The following NTRK2 variants were observed in gnomAD, a reference collection of about 807,000 sequenced individuals.
The protein encoded by NTRK2 is neurotrophic receptor tyrosine kinase 2, also known as BDNF/NT-3 growth factors receptor.
A neutral mutation model predicts 94.5 loss-of-function variants in NTRK2; 13 were observed. That is an observed-to-expected ratio of 0.14 (90% CI 0.09 to 0.22). NTRK2 has a LOEUF of 0.22. Ranked by LOEUF, NTRK2 falls within the 10% of genes least tolerant of loss-of-function variation. The probability of loss-of-function intolerance (pLI) is 1.00; values close to 1 mark genes in which losing one functional copy is unlikely to be tolerated. For missense variants in NTRK2, 639 were observed against 1,071.2 expected (o/e 0.60, Z 5.63); for synonymous variants, 372 against 407.4 (o/e 0.91, Z 1.05).
chr9:84,769,238 C>T (rs2132789550), intron 12 of NTRK2, among the ~76,000 whole-genome samples: 1 of 152,262 alleles, frequency 6.6e-6, no homozygotes, highest in East Asian at 1.9e-4. Context: ...GAACTACTTA[C>T]TACCCTAACA....
At chr9:84,765,077 GA>G (rs1317576556) in intron 12 of NTRK2, among the ~76,000 whole-genome samples, 2 of 152,210 alleles carry the variant, frequency 1.3e-5, no homozygotes, top group Non-Finnish European at 2.9e-5. Flanking sequence ...GAGGGATGCG[GA>G]GGTTGTGAGG....
intron 12 of NTRK2, among the ~76,000 whole-genome samples, chr9:84,755,806 T>C (rs374259988): frequency 1.1e-4 from 16 of 152,300 alleles, no homozygotes; most frequent in African/African-American, 3.8e-4. Context: ...TTTTATCTTG[T>C]GGTAAACCTA....
chr9:84,860,170 C>T (rs2075264885), intron 12 of NTRK2, among the ~76,000 whole-genome samples: 1 of 152,166 alleles, frequency 6.6e-6, no homozygotes, highest in Admixed American at 6.5e-5. Flanking sequence ...AACACAGTTA[C>T]TGATTTGGGG....
Position 85,021,498 on chromosome 9 carries a change from C to A in NTRK2, c.*61C>A. The A allele has an allele frequency of 6.5e-7, 1 of 1,543,984 alleles. No homozygotes were observed. Among genetic ancestry groups the A allele is most frequent in the Non-Finnish European group, 9.0e-7 (1 of 1,117,008 alleles). On this transcript the variant is annotated 3_prime_UTR_variant, in exon 19 of 19. Transcript: ENST00000277120. ...TCCTCAGACGGGCTGAGAGGATGAA[C>A]ATCTTTTAACTGCCGCTGGAGGCCA...
At chr9:85,021,184 T>C in intron 18 of NTRK2, 68 bp from the exon 19 acceptor site, 1 of 1,417,524 alleles carries the variant, frequency 7.1e-7, no homozygotes, top group Non-Finnish European at 9.9e-7. Context: ...GCTGTTTTTT[T>C]GCACTGACAT....
chr9:84,871,237 G>A (rs201390493), intron 14 of NTRK2, among the ~76,000 whole-genome samples: 1 of 152,170 alleles, frequency 6.6e-6, no homozygotes, highest in East Asian at 1.9e-4. Flanking sequence ...GCAAGAAACA[G>A]GCTGAAGGAA....
chr9:84,953,636 G>C lies in NTRK2; in HGVS notation c.1938-1647G>C, dbSNP rs571276055. Among the ~76,000 whole-genome samples, 4 of 152,316 alleles carry C rather than the reference G, an allele frequency of 2.6e-5. No individual in the cohort carries two copies. In the South Asian group the frequency reaches 8.3e-4, roughly 32 times the overall value. On this transcript the variant is annotated intron_variant, in intron 16 of 18. Coordinates refer to ENST00000277120, the MANE Select transcript of NTRK2 (RefSeq NM_006180.6). ...GAGGCAGCTGGGGGTTGTGGTTTGA[G>C]TAGAGGTGAAATATGTTAGGACTGG...
At chr9:85,019,380 G>T (rs1323893330) in intron 17 of NTRK2, among the ~76,000 whole-genome samples, 1 of 152,138 alleles carries the variant, frequency 6.6e-6, no homozygotes, top group Non-Finnish European at 1.5e-5. Flanking sequence ...CTGTTCATGG[G>T]TTTGAAATCG....
intron 15 of NTRK2, among the ~76,000 whole-genome samples, chr9:84,937,021 C>T (rs988016390): frequency 6.6e-6 from 1 of 152,162 alleles, no homozygotes; most frequent in South Asian, 2.1e-4. Flanking sequence ...TCAGAATAAC[C>T]CATGGACCTT....
intron 17 of NTRK2, among the ~76,000 whole-genome samples, chr9:84,969,203 C>T (rs1334756122): frequency 6.6e-6 from 1 of 151,882 alleles, no homozygotes; most frequent in Non-Finnish European, 1.5e-5. Context: ...GCAACTGTAG[C>T]CACCACCACT....
rs927100860 is a variant in NTRK2 at position 84,813,932 on chromosome 9, G to C, written c.1397-47108G>C. 4 of 1,065,380 alleles carry C rather than the reference G, an allele frequency of 3.8e-6. No homozygotes were observed. In the Admixed American group the frequency reaches 1.6e-4, roughly 43 times the overall value. The allele number at this position is 1,065,380 out of a possible 1,614,324, so 66.0% of individuals were successfully genotyped here. A position where few individuals can be genotyped will look rare whatever the true frequency, so the allele number is the denominator to read the frequency against. On this transcript the variant is annotated intron_variant, in intron 12 of 18. Transcript: ENST00000277120. ...GAGACCCTCTCAGGCTGCTGAGCTA[G>C]ACTAAGGAATGCATCCACCGTCATC...
At position 85,021,588 on chromosome 9, in the gene NTRK2, G is replaced by C; in HGVS notation, c.*151G>C. On this transcript the variant is annotated 3_prime_UTR_variant, in exon 19 of 19. Coordinates refer to ENST00000277120, the MANE Select transcript of NTRK2 (RefSeq NM_006180.6). The stretch of plus-strand genomic sequence containing the variant: ...AGACTCCGAGAAGCTCTCGAGGGAA[G>C]CAGTGTGTACTTCTTCATCCATAGA... 1.3e-6 allele frequency: 1 copy of C among 766,986 alleles called. No individual in the cohort carries two copies. The highest frequency in any genetic ancestry group is 2.6e-5 in the East Asian group (1 of 38,534). The allele number at this position is 766,986 out of a possible 1,614,324, so 47.5% of individuals were successfully genotyped here. A position where few individuals can be genotyped will look rare whatever the true frequency, so the allele number is the denominator to read the frequency against.
chr9:84,991,109 G>A (rs1829005613), intron 17 of NTRK2, among the ~76,000 whole-genome samples: 1 of 152,124 alleles, frequency 6.6e-6, no homozygotes, highest in South Asian at 2.1e-4. Context: ...TATTAGGAAA[G>A]CTCACACCTT....
chr9:84,882,715 T>C (rs1054838412), intron 14 of NTRK2, among the ~76,000 whole-genome samples: 24 of 144,232 alleles, frequency 1.7e-4, no homozygotes, highest in African/African-American at 5.7e-4. Context: ...TGTGTGTGTG[T>C]GTGTGCGCGC....
chr9:84,821,427 C>G (rs548029286), intron 12 of NTRK2, among the ~76,000 whole-genome samples: 1 of 152,118 alleles, frequency 6.6e-6, no homozygotes, highest in Non-Finnish European at 1.5e-5. Flanking sequence ...CACCATTTAC[C>G]ATTATCACCT....
At chr9:84,736,754 A>G (rs1481161236) in intron 9 of NTRK2, among the ~76,000 whole-genome samples, 1 of 152,206 alleles carries the variant, frequency 6.6e-6, no homozygotes, top group African/African-American at 2.4e-5. Flanking sequence ...GAATTGCCAG[A>G]GCCAATGCTA....
At chr9:84,893,348 C>T (rs2076651709) in intron 14 of NTRK2, among the ~76,000 whole-genome samples, 1 of 152,186 alleles carries the variant, frequency 6.6e-6, no homozygotes, top group South Asian at 2.1e-4. Context: ...CATGTAAGTG[C>T]ACCTCTTTGT....
At chr9:84,790,522 T>G (rs1005767669) in intron 12 of NTRK2, among the ~76,000 whole-genome samples, 14 of 152,352 alleles carry the variant, frequency 9.2e-5, no homozygotes, top group African/African-American at 3.4e-4. Flanking sequence ...TTTAGAGGAC[T>G]GCTTAATTTC....
At chr9:84,766,867 C>T (rs897478044) in intron 12 of NTRK2, among the ~76,000 whole-genome samples, 6 of 152,016 alleles carry the variant, frequency 3.9e-5, no homozygotes, top group African/African-American at 9.7e-5. Flanking sequence ...TTAAAACACA[C>T]GTTCGACACA....
Sources: allele counts gnomAD v4.1 joint callset (sites outside exome capture counted in the v4.1 genomes callset), GRCh38; gene constraint gnomAD v4.1.1; transcripts MANE v1.5; gene names NCBI Gene and HGNC (gene_info 2026-07-23, HGNC 2026-07-21).